The following UVRAG variants were observed in gnomAD, a reference collection of about 807,000 sequenced individuals.
The protein encoded by UVRAG is UV radiation resistance-associated gene protein.
UVRAG carries 19 observed loss-of-function variants against 78.0 expected under a neutral mutation model. The observed-to-expected ratio is 0.24, with a 90% CI of 0.17 to 0.36. The LOEUF is 0.36. Ranked by LOEUF, UVRAG falls within the 10% of genes least tolerant of loss-of-function variation. UVRAG has a pLI of 1.00. For synonymous variants in UVRAG, 323 were observed against 324.6 expected (o/e 1.00, Z 0.05); for missense variants, 740 against 853.8 (o/e 0.87, Z 1.66).
intron 1 of UVRAG, among the ~76,000 whole-genome samples, chr11:75,830,705 A>T (rs939321836): frequency 1.3e-5 from 2 of 152,230 alleles, no homozygotes; most frequent in Non-Finnish European, 2.9e-5. Context: ...AGACTAGGTT[A>T]TCTGTAGCTC....
intron 1 of UVRAG, among the ~76,000 whole-genome samples, chr11:75,833,606 G>A (rs188549725): frequency 1.2e-4 from 19 of 152,318 alleles, no homozygotes; most frequent in African/African-American, 4.3e-4. Context: ...ATATAGAGGT[G>A]TGGAGCTGGA....
chr11:75,922,975 G>T (rs1262391021), intron 6 of UVRAG, among the ~76,000 whole-genome samples: 6 of 142,942 alleles, frequency 4.2e-5, no homozygotes, highest in East Asian at 4.0e-4. Context: ...ATATATATAA[G>T]AAAAAAATAT....
intron 11 of UVRAG, among the ~76,000 whole-genome samples, chr11:76,009,606 G>T (rs1043997370): frequency 6.6e-6 from 1 of 152,148 alleles, no homozygotes; most frequent in South Asian, 2.1e-4. Flanking sequence ...CTAAAGAAGA[G>T]AGCATTGCTA....
At chr11:75,864,794 A>C (rs1946502423) in intron 3 of UVRAG, among the ~76,000 whole-genome samples, 1 of 152,244 alleles carries the variant, frequency 6.6e-6, no homozygotes, top group African/African-American at 2.4e-5. Context: ...TGAATACTTT[A>C]TTTCTAATTA....
At chr11:75,946,419 T>G (rs1269632417) in intron 6 of UVRAG, among the ~76,000 whole-genome samples, 1 of 152,178 alleles carries the variant, frequency 6.6e-6, no homozygotes, top group African/African-American at 2.4e-5. Context: ...AAAGAATGTA[T>G]TAGTTTTTGA....
At chr11:76,060,194 T>C (rs1185590626) in intron 12 of UVRAG, among the ~76,000 whole-genome samples, 1 of 152,236 alleles carries the variant, frequency 6.6e-6, no homozygotes, top group Non-Finnish European at 1.5e-5. Flanking sequence ...TGTAGGTGTG[T>C]ATATGATATA....
chr11:75,993,737 A>C (rs996114749), intron 8 of UVRAG, among the ~76,000 whole-genome samples: 1 of 152,198 alleles, frequency 6.6e-6, no homozygotes, highest in African/African-American at 2.4e-5. Context: ...ATAATGAAAT[A>C]CCTGATGCTG....
At chr11:76,071,513 A>T (rs902276768) in intron 13 of UVRAG, among the ~76,000 whole-genome samples, 4 of 152,194 alleles carry the variant, frequency 2.6e-5, no homozygotes, top group African/African-American at 9.6e-5. Flanking sequence ...TTGAGGGAAG[A>T]TTTAAGCAGG....
chr11:75,888,538 GT>G (rs1159176670), intron 4 of UVRAG, among the ~76,000 whole-genome samples: 2 of 152,180 alleles, frequency 1.3e-5, no homozygotes, highest in African/African-American at 4.8e-5. Flanking sequence ...ATACCCTATT[GT>G]TCAGGAATAG....
At position 76,035,198 on chromosome 11, in the gene UVRAG, A is replaced by T. The variant is rs540133516; in HGVS notation, c.1226+18218A>T. ...GTTACTAGGAGAAAAACTTTTTAGA[A>T]GCCACCTCCTAATATTGAATTTGCT... On this transcript the variant is annotated intron_variant, in intron 12 of 14. Transcript: ENST00000356136. Among the ~76,000 whole-genome samples the T allele has an allele frequency of 1.8e-4, 28 of 152,290 alleles. No homozygotes were observed. The South Asian group carries it at 5.8e-3, about 32-fold the overall frequency.
chr11:75,986,804 C>T (rs1459301858), intron 8 of UVRAG, among the ~76,000 whole-genome samples: 2 of 151,342 alleles, frequency 1.3e-5, no homozygotes, highest in Admixed American at 1.3e-4. Flanking sequence ...CCCCTACCTT[C>T]TGTCTCTAGA....
chr11:75,867,207 A>C (rs1331323294), intron 3 of UVRAG, among the ~76,000 whole-genome samples: 2 of 152,224 alleles, frequency 1.3e-5, no homozygotes, highest in South Asian at 4.1e-4. Context: ...TTTATAGTTC[A>C]TAAGTATACA....
At chr11:75,887,727 A>G (rs1003255660) in intron 4 of UVRAG, among the ~76,000 whole-genome samples, 46 of 151,374 alleles carry the variant, frequency 3.0e-4, no homozygotes, top group African/African-American at 1.0e-3. Flanking sequence ...GATTATAGGC[A>G]TGAGCCACTG....
chr11:76,088,593 C>T (rs755259808), intron 13 of UVRAG, among the ~76,000 whole-genome samples: 1 of 151,934 alleles, frequency 6.6e-6, no homozygotes, highest in Non-Finnish European at 1.5e-5. Context: ...CTCCTGCAAC[C>T]ACTTACCCCA....
chr11:75,895,314 T>C (rs1947316978), intron 5 of UVRAG, among the ~76,000 whole-genome samples: 1 of 152,228 alleles, frequency 6.6e-6, no homozygotes, highest in Non-Finnish European at 1.5e-5. Flanking sequence ...ACTATGGATC[T>C]AAAAGCTGAA....
rs1224473402 is a variant in UVRAG at position 76,143,855 on chromosome 11, T to A, written c.*2442T>A. On this transcript the variant is annotated 3_prime_UTR_variant, in exon 15 of 15. Transcript: ENST00000356136. ...AAGAAAATTGTTTGCTTGGAAGATA[T>A]AAGTTGAATTGGAAACTCATTACTA... Among the ~76,000 whole-genome samples, 1 of 152,262 alleles carries A rather than the reference T, an allele frequency of 6.6e-6. No homozygotes were observed.
At chr11:75,869,789 A>T (rs1013255874) in intron 3 of UVRAG, among the ~76,000 whole-genome samples, 15 of 152,242 alleles carry the variant, frequency 9.9e-5, no homozygotes, top group Non-Finnish European at 2.1e-4. Context: ...TGATAAAATC[A>T]GTATGCTATT....
chr11:76,062,593 A>G (rs1190707701), intron 12 of UVRAG, among the ~76,000 whole-genome samples: 2 of 152,092 alleles, frequency 1.3e-5, no homozygotes, highest in Admixed American at 1.3e-4. Context: ...TCCTTCAACA[A>G]TTTCTCTCAA....
At chr11:75,824,697 G>A (rs11236541) in intron 1 of UVRAG, among the ~76,000 whole-genome samples, 17,511 of 139,292 alleles carry the variant, frequency 0.13, 1,336 homozygotes, top group Middle Eastern at 0.24. Context: ...TTTTTGAGGC[G>A]GAGTCTCACT....
Sources: allele counts gnomAD v4.1 joint callset (sites outside exome capture counted in the v4.1 genomes callset), GRCh38; gene constraint gnomAD v4.1.1; transcripts MANE v1.5; gene names NCBI Gene and HGNC (gene_info 2026-07-23, HGNC 2026-07-21).